NEDD4L: variants seen among roughly 807,000 people sequenced by gnomAD.
NEDD4L encodes E3 ubiquitin-protein ligase NEDD4-like.
Under a neutral mutation model 148.9 loss-of-function variants are expected in NEDD4L, and 54 were observed. That is an observed-to-expected ratio of 0.36 (90% CI 0.29 to 0.45). The LOEUF is 0.45. NEDD4L is among the 20% of genes least tolerant of loss of function. The pLI is 1.00. For synonymous variants in NEDD4L, 433 were observed against 440.7 expected (o/e 0.98, Z 0.22); for missense variants, 856 against 1,233.8 (o/e 0.69, Z 4.59).
At chr18:58,273,816 G>A (rs953713650) in intron 5 of NEDD4L, among the ~76,000 whole-genome samples, 3 of 152,204 alleles carry the variant, frequency 2.0e-5, no homozygotes, top group Non-Finnish European at 4.4e-5. Flanking sequence ...CGGATTTTAA[G>A]TCCATCTTTA....
At chr18:58,352,575 C>G (rs2044042227) in intron 18 of NEDD4L, among the ~76,000 whole-genome samples, 1 of 152,148 alleles carries the variant, frequency 6.6e-6, no homozygotes, top group African/African-American at 2.4e-5. Context: ...AGGAGAATCT[C>G]TTGAACCTGG....
intron 1 of NEDD4L, among the ~76,000 whole-genome samples, chr18:58,109,829 A>C (rs887593540): frequency 6.6e-6 from 1 of 152,042 alleles, no homozygotes; most frequent in African/African-American, 2.4e-5. Flanking sequence ...TGGCCTCCCA[A>C]AGTGCTAGGA....
chr18:58,215,102 A>G (rs693528), intron 2 of NEDD4L, among the ~76,000 whole-genome samples: 149,194 of 152,272 alleles, frequency 0.98, 73,097 homozygotes, highest in East Asian at 1. Context: ...GTGAGCCACC[A>G]TACCCAGCCT....
At chr18:58,140,963 G>T in intron 1 of NEDD4L, among the ~76,000 whole-genome samples, 1 of 152,218 alleles carries the variant, frequency 6.6e-6, no homozygotes, top group East Asian at 1.9e-4. Context: ...ATGGGGGATG[G>T]TGGGGTTTTG....
At chr18:58,279,077 G>A (rs1006449518) in intron 5 of NEDD4L, among the ~76,000 whole-genome samples, 2 of 151,838 alleles carry the variant, frequency 1.3e-5, no homozygotes. Flanking sequence ...GGGTTTTGCT[G>A]TGTTGGCCAG....
At chr18:58,211,699 G>A (rs571600714) in intron 2 of NEDD4L, among the ~76,000 whole-genome samples, 4 of 152,310 alleles carry the variant, frequency 2.6e-5, no homozygotes, top group Non-Finnish European at 2.9e-5. Flanking sequence ...AAAGAAAACC[G>A]GTGAGGGCAG....
intron 19 of NEDD4L, among the ~76,000 whole-genome samples, chr18:58,363,109 T>C (rs1022449766): frequency 2.0e-5 from 3 of 152,226 alleles, no homozygotes. Flanking sequence ...TATTTTTTGC[T>C]CTGGAATTAC....
At chr18:58,157,898 T>C (rs2035716478) in intron 1 of NEDD4L, among the ~76,000 whole-genome samples, 1 of 152,272 alleles carries the variant, frequency 6.6e-6, no homozygotes, top group South Asian at 2.1e-4. Context: ...ACAATGTATG[T>C]TAGTTATCTA....
intron 19 of NEDD4L, among the ~76,000 whole-genome samples, chr18:58,361,601 C>T (rs1036162877): frequency 4.6e-5 from 7 of 152,260 alleles, no homozygotes; most frequent in African/African-American, 9.6e-5. Context: ...GCCCCAGATG[C>T]GCTGGTGTCA....
chr18:58,324,157 A>C (rs1205236451), intron 8 of NEDD4L, among the ~76,000 whole-genome samples: 2 of 152,246 alleles, frequency 1.3e-5, no homozygotes, highest in Non-Finnish European at 2.9e-5. Flanking sequence ...AAATTTATGA[A>C]TGTTAACATT....
At chr18:58,214,643 G>GTT (rs769171624) in intron 2 of NEDD4L, among the ~76,000 whole-genome samples, 1 of 135,566 alleles carries the variant, frequency 7.4e-6, no homozygotes, top group Non-Finnish European at 1.6e-5. Flanking sequence ...GTGTGTGTGT[G>GTT]TTTTGTTGTT....
At chr18:58,108,099 C>T (rs976613028) in intron 1 of NEDD4L, among the ~76,000 whole-genome samples, 9 of 152,124 alleles carry the variant, frequency 5.9e-5, no homozygotes, top group African/African-American at 2.2e-4. Context: ...GTGGGATGCA[C>T]ATTGATTTAG....
At chr18:58,343,302 T>G (rs1231123031) in intron 16 of NEDD4L, among the ~76,000 whole-genome samples, 199 bp downstream of exon 16, 1 of 151,830 alleles carries the variant, frequency 6.6e-6, no homozygotes, top group Non-Finnish European at 1.5e-5. Flanking sequence ...GTAGCTGTCT[T>G]TGGTATTGGT....
chr18:58,153,653 G>GT (rs140940918), intron 1 of NEDD4L, among the ~76,000 whole-genome samples: 30,784 of 145,910 alleles, frequency 0.21, 3,423 homozygotes, highest in Middle Eastern at 0.35. Context: ...TTTGCGAAAC[G>GT]TTTTTTTTTT....
At chr18:58,214,967 A>G (rs1033317845) in intron 2 of NEDD4L, among the ~76,000 whole-genome samples, 1 of 151,862 alleles carries the variant, frequency 6.6e-6, no homozygotes, top group Non-Finnish European at 1.5e-5. Flanking sequence ...ATGCACCACC[A>G]TGCCTGGCTA....
intron 25 of NEDD4L, 44 bp downstream of exon 25, chr18:58,383,363 A>G: frequency 9.1e-7 from 1 of 1,093,110 alleles, no homozygotes. Context: ...AATAATTGAA[A>G]TGCATGTTTG....
intron 2 of NEDD4L, among the ~76,000 whole-genome samples, chr18:58,206,282 G>A (rs1424119685): frequency 1.3e-5 from 2 of 152,260 alleles, no homozygotes; most frequent in East Asian, 3.9e-4. Flanking sequence ...CCAGCTACTT[G>A]GGAGGCTGAG....
intron 16 of NEDD4L, among the ~76,000 whole-genome samples, chr18:58,344,729 A>G (rs575624969): frequency 4.1e-4 from 60 of 144,672 alleles, no homozygotes; most frequent in African/African-American, 1.5e-3. Flanking sequence ...CTTTTTTTTT[A>G]TGTCTTTTTA....
intron 1 of NEDD4L, among the ~76,000 whole-genome samples, chr18:58,085,514 C>T (rs1252198845): frequency 6.6e-6 from 1 of 152,034 alleles, no homozygotes; most frequent in African/African-American, 2.4e-5. Flanking sequence ...GAGGCGATCC[C>T]AAGGGAAGTA....
Sources: gnomAD v4.1 joint callset for allele counts (sites outside exome capture counted in the v4.1 genomes callset) on GRCh38, gnomAD v4.1.1 for gene constraint, MANE v1.5 for transcripts, NCBI Gene and HGNC (gene_info 2026-07-23, HGNC 2026-07-21) for gene names.